Variants in UBE2G2 observed in about 807,000 individuals in gnomAD.
UBE2G2 encodes the protein ubiquitin-conjugating enzyme E2 G2.
Under a neutral mutation model 23.0 loss-of-function variants are expected in UBE2G2, and 10 were observed. That is an observed-to-expected ratio of 0.43 (90% CI 0.27 to 0.74). UBE2G2 has a LOEUF of 0.74. UBE2G2 is among the 30% of genes least tolerant of loss of function. The pLI is 0.19. For missense variants in UBE2G2, 150 were observed against 218.3 expected (o/e 0.69, Z 1.97); for synonymous variants, 86 against 81.3 (o/e 1.06, Z -0.31).
chr21:44,797,437 C>A (rs1298289564), intron 1 of UBE2G2, among the ~76,000 whole-genome samples: 1 of 152,154 alleles, frequency 6.6e-6, no homozygotes, highest in East Asian at 1.9e-4. Flanking sequence ...AATGAGAAGG[C>A]CGGGCGTGGT....
In UBE2G2 at chr21:44,768,998, T is replaced by C. The variant is rs1262334596; in HGVS notation, c.*2379A>G. On this transcript the variant is annotated 3_prime_UTR_variant, in exon 6 of 6. Transcript: ENST00000345496. ...GATCTGGTGTGCTCCCTGGGGGCAG[T>C]GGCCACAGGCTCCTCTGACAATACG... 2 of 152,132 alleles carry C rather than the reference T, an allele frequency of 1.3e-5. No individual in the cohort carries two copies. The highest frequency in any genetic ancestry group is 4.8e-5 in the African/African-American group (2 of 41,398). 9.4% of individuals were successfully genotyped at this position (152,132 alleles called of 1,614,324 possible). A position where few individuals can be genotyped will look rare whatever the true frequency, so the allele number is the denominator to read the frequency against.
chr21:44,788,697 G>A (rs1168974221), intron 1 of UBE2G2, among the ~76,000 whole-genome samples: 1 of 151,418 alleles, frequency 6.6e-6, no homozygotes, highest in African/African-American at 2.4e-5. Context: ...GTTCCTGCTG[G>A]TTACTTTGTT....
chr21:44,780,645 T>C (rs1000292866), intron 3 of UBE2G2, among the ~76,000 whole-genome samples: 13 of 152,202 alleles, frequency 8.5e-5, no homozygotes, highest in African/African-American at 3.1e-4. Flanking sequence ...TTTGCTGTCT[T>C]GTGGGTGAAT....
chr21:44,783,598 T>A (rs1407585911), intron 3 of UBE2G2, among the ~76,000 whole-genome samples: 1 of 152,158 alleles, frequency 6.6e-6, no homozygotes, highest in Non-Finnish European at 1.5e-5. Context: ...TTCTGCCAAG[T>A]ACAAGAAGCC....
At chr21:44,773,423 A>G in intron 5 of UBE2G2, 124 bp downstream of exon 5, 1 of 1,250,842 alleles carries the variant, frequency 8.0e-7, no homozygotes, top group Non-Finnish European at 1.1e-6. Flanking sequence ...TTAAATGGCA[A>G]TAGCATGTGT....
chr21:44,783,855 T>C (rs1326491242), intron 3 of UBE2G2, among the ~76,000 whole-genome samples: 10 of 152,350 alleles, frequency 6.6e-5, no homozygotes, highest in African/African-American at 2.4e-4. Context: ...ATGTAAATTA[T>C]CTCAATAAAG....
chr21:44,783,035 A>T (rs1455635926), intron 3 of UBE2G2, among the ~76,000 whole-genome samples: 6 of 152,254 alleles, frequency 3.9e-5, no homozygotes, highest in Non-Finnish European at 8.8e-5. Flanking sequence ...ATGTCTAATG[A>T]AGGACTTGTA....
intron 1 of UBE2G2, among the ~76,000 whole-genome samples, 184 bp from the exon 2 acceptor site, chr21:44,788,279 GTTTTTTTGTTT>G (rs1351630052): frequency 1.6e-5 from 2 of 121,722 alleles, no homozygotes; most frequent in Non-Finnish European, 3.8e-5. Flanking sequence ...ACTACACAAA[GTTTTTTTGTTT>G]TTTTTTTGTT....
chr21:44,778,884 A>G (rs1246786610), intron 3 of UBE2G2, among the ~76,000 whole-genome samples: 1 of 152,228 alleles, frequency 6.6e-6, no homozygotes, highest in African/African-American at 2.4e-5. Flanking sequence ...CTGGATGAGC[A>G]GAGGACAGTC....
In UBE2G2 at chr21:44,787,768, C is replaced by T. The variant is rs73370576; in HGVS notation, c.125+152G>A. The T allele has an allele frequency of 1.5e-4, 120 of 791,526 alleles. 1 individual carries two copies. The African/African-American group carries it at 1.8e-3, about 12-fold the overall frequency. The allele number at this position is 791,526 out of a possible 1,614,324, so 49.0% of individuals were successfully genotyped here. ...GATCAATGCTCAGGTTCTCTGCTTT[C>T]AGACCAGCAGCCTAGACGAGAGCTG... On this transcript the variant is annotated intron_variant, in intron 3 of 5. Coordinates refer to ENST00000345496, the MANE Select transcript of UBE2G2 (RefSeq NM_003343.6).
intron 1 of UBE2G2, among the ~76,000 whole-genome samples, chr21:44,791,226 T>C (rs1292000515): frequency 1.3e-5 from 2 of 152,206 alleles, no homozygotes; most frequent in Non-Finnish European, 2.9e-5. Context: ...ACCCATTTTC[T>C]GGAGAGAAAT....
chr21:44,786,515 TTTTG>T (rs1331543228), intron 3 of UBE2G2, among the ~76,000 whole-genome samples: 58 of 152,374 alleles, frequency 3.8e-4, no homozygotes, highest in African/African-American at 1.3e-3. Flanking sequence ...TTTAAAAACA[TTTTG>T]TTTATCCAAA....
chr21:44,780,796 T>C (rs1347486364), intron 3 of UBE2G2, among the ~76,000 whole-genome samples: 3 of 152,252 alleles, frequency 2.0e-5, no homozygotes, highest in Non-Finnish European at 2.9e-5. Flanking sequence ...GTCACTTATA[T>C]GCCAGTGAAA....
rs1179093268 is a variant in UBE2G2, at chr21:44,793,464, C to A, written c.44-5369G>T. Among the ~76,000 whole-genome samples the A allele has an allele frequency of 5.3e-5, 8 of 152,332 alleles. No homozygotes were observed. In the East Asian group the frequency reaches 5.8e-4, roughly 11 times the overall value. ...GCACAGAGACCTGCCCGGGTGTGCG[C>A]TGGCCTTCCCGCCAGCTTTGTTATT... On this transcript the variant is annotated intron_variant, in intron 1 of 5. Coordinates refer to ENST00000345496, the MANE Select transcript of UBE2G2 (RefSeq NM_003343.6).
At position 44,771,463 on chromosome 21, in the gene UBE2G2, C is replaced by T. The variant is rs890853234; in HGVS notation, c.412G>A (p.Val138Met). ...TCGCGCCACATTTTGGACGCATCCA[C>T]GTTAGCTCCACTTTCGTCATTGGGC... The part of the protein sequence containing the change: ...AEPNDESGAN[V>M]DASKMWRDDR... The change falls in exon 6 of 6, where the codon GTG (valine) becomes ATG (methionine). Residue 138 changes from valine (V) to methionine (M), a missense_variant. Transcript: ENST00000345496. This position sits in a 1 kb window ranked among gnomAD's most constrained non-coding sequence, Gnocchi z 4.6. 1.2e-5 allele frequency: 19 copies of T among 1,612,538 alleles called. No homozygotes were observed. The highest frequency in any genetic ancestry group is 1.5e-5 in the Non-Finnish European group (18 of 1,180,044).
chr21:44,777,438 A>G, intron 3 of UBE2G2, 21 bp from the exon 4 acceptor site: 2 of 1,605,440 alleles, frequency 1.2e-6, no homozygotes, highest in Non-Finnish European at 1.7e-6. Context: ...TAAAATACGT[A>G]GACTGAACTT....
rs60369865 is a variant in UBE2G2 at position 44,797,714 on chromosome 21, CAAAAAAAAAAA to C, written c.43+3981_43+3991del. Among the ~76,000 whole-genome samples the C allele has an allele frequency of 0.013, 520 of 39,328 alleles. 8 individuals carry two copies. In the Middle Eastern group the frequency reaches 0.16, roughly 12 times the overall value. The allele number at this position is 39,328 out of a possible 152,430, so 25.8% of individuals were successfully genotyped here. A position where few individuals can be genotyped will look rare whatever the true frequency, so the allele number is the denominator to read the frequency against. On this transcript the variant is annotated intron_variant, in intron 1 of 5. Transcript: ENST00000345496. The stretch of plus-strand genomic sequence containing the variant: ...TGGGCGACAGAGCAAAACTCCGTCT[CAAAAAAAAAAA>C]AAAAAAAAAAAAAAAAGAGAAAATA...
At chr21:44,784,772 T>A (rs1555961756) in intron 3 of UBE2G2, among the ~76,000 whole-genome samples, 1 of 151,996 alleles carries the variant, frequency 6.6e-6, no homozygotes, top group Non-Finnish European at 1.5e-5. Flanking sequence ...AACACACCAT[T>A]CAGTAAAGGA....
Position 44,788,043 on chromosome 21 carries a change from T to G in UBE2G2, c.79+17A>C, listed in dbSNP as rs2083009940. ...AATTAAAAGTAAATTATAAGGAAGT[T>G]AACTTTGGTACCTTACCTGCTACAA... is the stretch of plus-strand genomic sequence containing the variant. On this transcript the variant is annotated intron_variant, in intron 2 of 5. Coordinates refer to ENST00000345496, the MANE Select transcript of UBE2G2 (RefSeq NM_003343.6). 1.9e-6 allele frequency: 3 copies of G among 1,611,964 alleles called. No individual in the cohort carries two copies. The highest frequency in any genetic ancestry group is 2.5e-6 in the Non-Finnish European group (3 of 1,179,200).
Sources: gnomAD v4.1 joint callset for allele counts (sites outside exome capture counted in the v4.1 genomes callset) on GRCh38, gnomAD v4.1.1 for gene constraint, Gnocchi (gnomAD v3.1) non-coding constraint, MANE v1.5 for transcripts, NCBI Gene and HGNC (gene_info 2026-07-23, HGNC 2026-07-21) for gene names.